SF3A3: variants seen among roughly 807,000 people sequenced by gnomAD.
SF3A3 encodes the protein SAP 61.
In SF3A3, 9 loss-of-function variants were observed where a neutral mutation model predicts 85.8. That is an observed-to-expected ratio of 0.10 (90% confidence interval 0.06 to 0.18). The LOEUF is 0.18. Among genes scored for constraint, SF3A3 ranks in the 10% least tolerant of loss-of-function variants. SF3A3 has a pLI of 1.00. For synonymous variants in SF3A3, 195 were observed against 204.4 expected (o/e 0.95, Z 0.39); for missense variants, 306 against 593.3 (o/e 0.52, Z 5.03).
chr1:37,980,653 T>C lies in SF3A3; in HGVS notation c.623A>G (p.Glu208Gly). ...DRVKPLQDQN[E>G]LFGKIQAEFE... ...CTCAGCCTGAATCTTCCCAAAAAGT[T>C]CATTCTGATCTTGGAGAGGCTTCAC... The change falls in exon 8 of 17, where the codon GAA (glutamate) becomes GGA (glycine). Residue 208 changes from glutamate (E) to glycine (G), a missense_variant. Around this residue, in one of 4 missense-constraint regions of SF3A3, gnomAD observed 136 missense variants for 296.6 expected, o/e 0.46. Coordinates refer to ENST00000373019, the MANE Select transcript of SF3A3 (RefSeq NM_006802.4). 6.2e-7 allele frequency: 1 copy of C among 1,614,096 alleles called. No individual in the cohort carries two copies. Among genetic ancestry groups the C allele is most frequent in the Non-Finnish European group, 8.5e-7 (1 of 1,179,994 alleles).
Position 37,967,476 on chromosome 1 carries a change from A to G in SF3A3, c.1372+568T>C, listed in dbSNP as rs112039314. On this transcript the variant is annotated intron_variant, in intron 15 of 16. Coordinates refer to ENST00000373019, the MANE Select transcript of SF3A3 (RefSeq NM_006802.4). ...GGGCGGATCATGAGGTCAGGAGATC[A>G]AGACCATCCTGGCTAACACTGTGAA... Among the ~76,000 whole-genome samples the G allele has an allele frequency of 4.5e-4, 69 of 151,698 alleles. No individual in the cohort carries two copies. The South Asian group carries it at 5.8e-3, about 13-fold the overall frequency.
At chr1:37,964,875 TAAC>T (rs1043931511) in intron 15 of SF3A3, among the ~76,000 whole-genome samples, 1 of 152,114 alleles carries the variant, frequency 6.6e-6, no homozygotes, top group African/African-American at 2.4e-5. Flanking sequence ...GTCATTCTCT[TAAC>T]ATGAGCATGG....
At chr1:37,969,834 A>G in intron 12 of SF3A3, 99 bp from the exon 13 acceptor site, 1 of 1,294,570 alleles carries the variant, frequency 7.7e-7, no homozygotes, top group African/African-American at 1.5e-5. Context: ...CCTTACTTCC[A>G]AGGATAAGGT....
intron 2 of SF3A3, 86 bp downstream of exon 2, chr1:37,989,462 G>T: frequency 6.9e-7 from 1 of 1,440,222 alleles, no homozygotes; most frequent in Non-Finnish European, 9.5e-7. Flanking sequence ...TTTGGCCAGG[G>T]ACTCATGCTG....
intron 15 of SF3A3, among the ~76,000 whole-genome samples, chr1:37,964,475 C>T (rs562133674): frequency 3.0e-4 from 45 of 151,828 alleles, no homozygotes; most frequent in Non-Finnish European, 5.7e-4. Flanking sequence ...GGCGTGGTGG[C>T]GAGCGCCTGT....
At chr1:37,977,528 CCT>C (rs1267822922) in intron 11 of SF3A3, among the ~76,000 whole-genome samples, 1 of 151,876 alleles carries the variant, frequency 6.6e-6, no homozygotes, top group Non-Finnish European at 1.5e-5. Flanking sequence ...ATGGTGAAAC[CCT>C]CTCTCTACTA....
intron 7 of SF3A3, 123 bp from the exon 8 acceptor site, chr1:37,980,847 T>TC: frequency 1.7e-6 from 1 of 601,086 alleles, no homozygotes. Flanking sequence ...TACTCTTTTT[T>TC]TTTTTTTTTT....
In SF3A3 at chr1:37,969,618, C is replaced by T. The variant is rs761935417; in HGVS notation, c.1123G>A (p.Glu375Lys). The T allele has an allele frequency of 1.2e-6, 2 of 1,614,166 alleles. No individual in the cohort carries two copies. Among genetic ancestry groups the T allele is most frequent in the Non-Finnish European group, 1.7e-6 (2 of 1,180,012 alleles). ...AGGTTTTTGGGGTTGTAAATGATCTCGTTCTCTTCATCTTCACTCTCACTC... is the reference window on the plus strand; with the variant it reads ...AGGTTTTTGGGGTTGTAAATGATCTTGTTCTCTTCATCTTCACTCTCACTC... ...SESESEDEEN[E>K]IIYNPKNLPL... Residue 375 changes from glutamate (E) to lysine (K), a missense_variant, in exon 13 of 17, where the codon GAG (glutamate) becomes AAG (lysine). Glu to Lys is a moderately conservative substitution (Grantham distance 56). This residue lies in a region of SF3A3 where 136 missense variants were observed against 296.6 expected (regional missense o/e 0.46). Transcript: ENST00000373019.
At chr1:37,979,987 G>C (rs1319355493) in intron 8 of SF3A3, among the ~76,000 whole-genome samples, 1 of 152,222 alleles carries the variant, frequency 6.6e-6, no homozygotes, top group African/African-American at 2.4e-5. Flanking sequence ...ATCCCTAGAA[G>C]TGAGAATGTA....
In SF3A3 at chr1:37,980,602, GTCCCATTC is replaced by G; in HGVS notation, c.666_673del (p.Glu222AspfsTer21). 1 of 1,613,928 alleles carries G rather than the reference GTCCCATTC, an allele frequency of 6.2e-7. No homozygotes were observed. Among genetic ancestry groups the G allele is most frequent in the Non-Finnish European group, 8.5e-7 (1 of 1,179,990 alleles). On this transcript the variant is annotated frameshift_variant, in exon 8 of 17. Transcript: ENST00000373019. LOFTEE classifies it high-confidence loss of function. ...GAAGCTCACCGGCCATCCAGGAAAG[GTCCCATTC>G]TCCCATTTCTTCTCAAACTCAGCCT...
intron 7 of SF3A3, 117 bp from the exon 8 acceptor site, chr1:37,980,841 C>CTTTTTTTTTTTTTTT (rs760972269): frequency 1.1e-5 from 1 of 92,320 alleles, no homozygotes; most frequent in African/African-American, 7.4e-5. Flanking sequence ...TTTTAATACT[C>CTTTTTTTTTTTTTTT]TTTTTTTTTT....
At position 37,979,062 on chromosome 1, in the gene SF3A3, AAAG is replaced by A; in HGVS notation, c.760-10_760-8del. ...AACCCAGAGAAGCCAACTCCTATAC[AAAG>A]AAGAGAAAAATTACAATATTACATT... On this transcript the variant is annotated splice_region_variant and splice_polypyrimidine_tract_variant and intron_variant, in intron 9 of 16. Coordinates refer to ENST00000373019, the MANE Select transcript of SF3A3 (RefSeq NM_006802.4). 1.2e-6 allele frequency: 2 copies of A among 1,611,384 alleles called. No homozygotes were observed. The highest frequency in any genetic ancestry group is 1.7e-6 in the Non-Finnish European group (2 of 1,177,536).
At chr1:37,971,124 A>G (rs1021232228) in intron 12 of SF3A3, among the ~76,000 whole-genome samples, 6 of 152,148 alleles carry the variant, frequency 3.9e-5, no homozygotes, top group Non-Finnish European at 8.8e-5. Context: ...CAAGACTAAT[A>G]AAGAAGAGAG....
chr1:37,984,393 A>C (rs1264441208), intron 5 of SF3A3, 133 bp from the exon 6 acceptor site: 1 of 631,308 alleles, frequency 1.6e-6, no homozygotes, highest in Non-Finnish European at 2.8e-6. Flanking sequence ...TGCTCACAAT[A>C]TAACCTCCAA....
At chr1:37,978,124 G>A (rs939450001) in intron 11 of SF3A3, among the ~76,000 whole-genome samples, 43 of 152,048 alleles carry the variant, frequency 2.8e-4, no homozygotes, top group African/African-American at 1.0e-3. Context: ...GATCACTTAA[G>A]CTCAGGAGTT....
chr1:37,965,675 G>A (rs759689207), intron 15 of SF3A3, among the ~76,000 whole-genome samples: 8 of 151,916 alleles, frequency 5.3e-5, no homozygotes, highest in African/African-American at 9.7e-5. Flanking sequence ...GATCACTTGA[G>A]CCTGGGAGGC....
intron 12 of SF3A3, among the ~76,000 whole-genome samples, chr1:37,972,732 A>C (rs1412610409): frequency 6.6e-6 from 1 of 152,220 alleles, no homozygotes; most frequent in East Asian, 1.9e-4. Flanking sequence ...ATCTACAACC[A>C]TCTGATCTTT....
chr1:37,977,676 T>C (rs996385044), intron 11 of SF3A3, among the ~76,000 whole-genome samples: 1 of 151,796 alleles, frequency 6.6e-6, no homozygotes, highest in Non-Finnish European at 1.5e-5. Context: ...CCGTCTCTAC[T>C]AAAAATACAA....
At chr1:37,963,050 T>G (rs1047408884) in intron 15 of SF3A3, among the ~76,000 whole-genome samples, 3 of 149,876 alleles carry the variant, frequency 2.0e-5, no homozygotes, top group African/African-American at 7.4e-5. Flanking sequence ...ATCGCGCCAC[T>G]GCACTCTAGC....
Sources: allele counts gnomAD v4.1 joint callset (sites outside exome capture counted in the v4.1 genomes callset), GRCh38; gene constraint gnomAD v4.1.1; regional missense constraint gnomAD v4.1.1; transcripts MANE v1.5; gene names NCBI Gene and HGNC (gene_info 2026-07-23, HGNC 2026-07-21).